GALNT18: variants seen among roughly 807,000 people sequenced by gnomAD.
GALNT18 encodes the protein GalNAc-transferase 18.
GALNT18 carries 44 observed loss-of-function variants against 69.5 expected under a neutral mutation model. The ratio of observed to expected loss-of-function variants is 0.63; its 90% confidence interval spans 0.50 to 0.81. GALNT18 has a LOEUF of 0.81. Among genes scored for constraint, GALNT18 ranks in the 40% least tolerant of loss-of-function variants. GALNT18 has a pLI of 0.00. For missense variants in GALNT18, 715 were observed against 810.0 expected, an observed-to-expected ratio of 0.88 and a Z score of 1.42; for synonymous variants, 364 against 318.2, an observed-to-expected ratio of 1.14 and a Z score of -1.53.
At chr11:11,549,291 C>A (rs1375907375) in intron 1 of GALNT18, among the ~76,000 whole-genome samples, 1 of 152,194 alleles carries the variant, frequency 6.6e-6, no homozygotes, top group Non-Finnish European at 1.5e-5. Context: ...TTAACTCCAG[C>A]CTTCTTGAAT....
intron 6 of GALNT18, among the ~76,000 whole-genome samples, chr11:11,349,265 T>C (rs1185589750): frequency 6.6e-6 from 1 of 152,206 alleles, no homozygotes; most frequent in Non-Finnish European, 1.5e-5. Flanking sequence ...CGCGCTTGTA[T>C]GTGTCTCCTG....
intron 1 of GALNT18, among the ~76,000 whole-genome samples, chr11:11,520,211 C>A (rs1012219382): frequency 6.6e-6 from 1 of 152,248 alleles, no homozygotes. Context: ...CCCATTTAAT[C>A]CTCAAAAGAA....
intron 1 of GALNT18, among the ~76,000 whole-genome samples, chr11:11,489,750 C>G (rs1856722498): frequency 6.6e-6 from 1 of 152,184 alleles, no homozygotes; most frequent in African/African-American, 2.4e-5. Flanking sequence ...GGTCAACGAG[C>G]ATATGTGTTA....
In GALNT18 at chr11:11,582,874, C is replaced by A. The variant is rs975866081; in HGVS notation, c.235+38485G>T. Among the ~76,000 whole-genome samples, 1 of 152,170 alleles carries A rather than the reference C, an allele frequency of 6.6e-6. No individual in the cohort carries two copies. The highest frequency in any genetic ancestry group is 1.5e-5 in the Non-Finnish European group (1 of 68,030). On this transcript the variant is annotated intron_variant, in intron 1 of 10. Transcript: ENST00000227756. This position sits in a 1 kb window ranked among gnomAD's most constrained non-coding sequence, Gnocchi z 5.0. ...ATCAGCTGCACCTCTTTCTCCAACT[C>A]CTCACCACAGCCACAGAGCACAGCC...
At chr11:11,560,470 A>G (rs978813411) in intron 1 of GALNT18, among the ~76,000 whole-genome samples, 1 of 152,336 alleles carries the variant, frequency 6.6e-6, no homozygotes, top group African/African-American at 2.4e-5. Context: ...TTGGTGCCCA[A>G]TGTCTGTAAG....
Position 11,409,643 on chromosome 11 carries a change from C to T in GALNT18, c.595+22978G>A, listed in dbSNP as rs143114093. 3.1e-3 allele frequency among the ~76,000 whole-genome samples: 471 copies of T among 151,738 alleles called. 1 individual carries two copies. The highest frequency in any genetic ancestry group is 4.9e-3 in the Non-Finnish European group (335 of 67,872). On this transcript the variant is annotated intron_variant, in intron 3 of 10. Coordinates refer to ENST00000227756, the MANE Select transcript of GALNT18 (RefSeq NM_198516.3). ...TCTCCCCAGTCACTAGAGGCAGCTC[C>T]ATGCAGGAATCTCTGATCTCAGCCC...
chr11:11,353,419 T>C, intron 6 of GALNT18: 1 of 504,144 alleles, frequency 2.0e-6, no homozygotes, highest in East Asian at 3.5e-5. Context: ...TTTTTGGGGG[T>C]TAAGTCCCTT....
intron 1 of GALNT18, among the ~76,000 whole-genome samples, chr11:11,550,526 C>T (rs2133968286): frequency 6.6e-6 from 1 of 152,304 alleles, no homozygotes; most frequent in South Asian, 2.1e-4. Context: ...TCACCACCTA[C>T]CTCTTTCTCT....
chr11:11,397,779 C>G (rs1442023335), intron 3 of GALNT18, among the ~76,000 whole-genome samples: 1 of 152,138 alleles, frequency 6.6e-6, no homozygotes, highest in African/African-American at 2.4e-5. Context: ...CCCACAAGGG[C>G]TTATATTTTT....
At chr11:11,280,412 G>GA (rs1490943266) in intron 10 of GALNT18, among the ~76,000 whole-genome samples, 1 of 152,060 alleles carries the variant, frequency 6.6e-6, no homozygotes, top group African/African-American at 2.4e-5. Flanking sequence ...CACCTCCAGG[G>GA]AGAAGGATCT....
At chr11:11,422,316 G>C (rs558808138) in intron 3 of GALNT18, among the ~76,000 whole-genome samples, 4 of 152,352 alleles carry the variant, frequency 2.6e-5, no homozygotes, top group African/African-American at 9.6e-5. Context: ...GCAACCTCAG[G>C]CAGCAAGGAG....
At position 11,396,616 on chromosome 11, in the gene GALNT18, G is replaced by A. The variant is rs1481756794; in HGVS notation, c.596-17352C>T. 2.6e-5 allele frequency among the ~76,000 whole-genome samples: 4 copies of A among 152,156 alleles called. No individual in the cohort carries two copies. Among genetic ancestry groups the A allele is most frequent in the East Asian group, 3.9e-4 (2 of 5,190 alleles). The stretch of plus-strand genomic sequence containing the variant: ...ATGGCAATTGCAAAGATTTGCACGC[G>A]GGACTCCAGTCTGGGGCAATAGTGT... On this transcript the variant is annotated intron_variant, in intron 3 of 10. Coordinates refer to ENST00000227756, the MANE Select transcript of GALNT18 (RefSeq NM_198516.3). This position sits in a 1 kb window ranked among gnomAD's most constrained non-coding sequence, Gnocchi z 5.2.
At chr11:11,325,407 C>G (rs1434757430) in intron 9 of GALNT18, among the ~76,000 whole-genome samples, 2 of 152,112 alleles carry the variant, frequency 1.3e-5, no homozygotes, top group Non-Finnish European at 2.9e-5. Flanking sequence ...ATACTGGGTA[C>G]AGTGTACACG....
rs1412795041 is a variant in GALNT18, at chr11:11,430,188, CTT to C, written c.595+2431_595+2432del. Among the ~76,000 whole-genome samples the C allele has an allele frequency of 1.3e-5, 2 of 152,198 alleles. No individual in the cohort carries two copies. Among genetic ancestry groups the C allele is most frequent in the Non-Finnish European group, 2.9e-5 (2 of 68,032 alleles). Reference sequence around the variant, plus strand: ...TTAAAACAGCGATGTCTAGAACCCTCTTTGAACTCACTGAACCAGAATCTCCT... The same window carrying C: ...TTAAAACAGCGATGTCTAGAACCCTCTGAACTCACTGAACCAGAATCTCCT... On this transcript the variant is annotated intron_variant, in intron 3 of 10. Transcript: ENST00000227756. This position sits in a 1 kb window ranked among gnomAD's most constrained non-coding sequence, Gnocchi z 4.9.
chr11:11,287,822 C>G (rs1354834494), intron 10 of GALNT18, among the ~76,000 whole-genome samples: 1 of 152,136 alleles, frequency 6.6e-6, no homozygotes, highest in East Asian at 1.9e-4. Context: ...GGAGGCAATT[C>G]TGCCTGCCCA....
At position 11,396,716 on chromosome 11, in the gene GALNT18, A is replaced by ACAGAGGTGAGAGCTCTG. The variant is rs1854339343; in HGVS notation, c.596-17469_596-17453dup. Among the ~76,000 whole-genome samples, 1 of 152,180 alleles carries ACAGAGGTGAGAGCTCTG rather than the reference A, an allele frequency of 6.6e-6. No individual in the cohort carries two copies. The highest frequency in any genetic ancestry group is 1.5e-5 in the Non-Finnish European group (1 of 68,036). On this transcript the variant is annotated intron_variant, in intron 3 of 10. Transcript: ENST00000227756. The surrounding 1 kb of genome is among the most constrained non-coding windows in gnomAD (Gnocchi z 5.2). ...TTGGTGAGGTCAAAAGGGAAGAAGA[A>ACAGAGGTGAGAGCTCTG]CAGAGGTGAGAGCTCTGGATCTCTA...
At chr11:11,293,003 CT>C (rs1223042108) in intron 10 of GALNT18, 25 bp downstream of exon 10, 5 of 1,342,360 alleles carry the variant, frequency 3.7e-6, no homozygotes, top group Non-Finnish European at 4.8e-6. Flanking sequence ...ATGGCTGCCA[CT>C]GTGCCCGGGC....
In GALNT18 at chr11:11,383,609, G is replaced by A. The variant is rs995612623; in HGVS notation, c.596-4345C>T. ...GGTTTTGGGGACATAGAAATGAAGTGAGAGTTCACCCATTCATTCATTCAT... is the reference window on the plus strand; with the variant it reads ...GGTTTTGGGGACATAGAAATGAAGTAAGAGTTCACCCATTCATTCATTCAT... On this transcript the variant is annotated intron_variant, in intron 3 of 10. Coordinates refer to ENST00000227756, the MANE Select transcript of GALNT18 (RefSeq NM_198516.3). The surrounding 1 kb of genome is among the most constrained non-coding windows in gnomAD (Gnocchi z 5.2). Among the ~76,000 whole-genome samples, 2 of 151,976 alleles carry A rather than the reference G, an allele frequency of 1.3e-5. No homozygotes were observed. Among genetic ancestry groups the A allele is most frequent in the Non-Finnish European group, 2.9e-5 (2 of 68,008 alleles).
intron 1 of GALNT18, among the ~76,000 whole-genome samples, chr11:11,519,629 C>A (rs1419596875): frequency 6.6e-6 from 1 of 152,168 alleles, no homozygotes; most frequent in African/African-American, 2.4e-5. Context: ...TTCTTTCACT[C>A]CCCCATCAAC....
Sources: allele counts gnomAD v4.1 joint callset (sites outside exome capture counted in the v4.1 genomes callset), GRCh38; gene constraint gnomAD v4.1.1; non-coding constraint Gnocchi (gnomAD v3.1); transcripts MANE v1.5; gene names NCBI Gene and HGNC (gene_info 2026-07-23, HGNC 2026-07-21).